VWA7: variants seen among roughly 807,000 people sequenced by gnomAD.
The protein encoded by VWA7 is von Willebrand factor A domain-containing protein 7.
In VWA7, 66 loss-of-function variants were observed where a neutral mutation model predicts 83.1. That is an observed-to-expected ratio of 0.79 (90% CI 0.65 to 0.98). The LOEUF is 0.98. Ranked by LOEUF, VWA7 falls within the 50% of genes least tolerant of loss-of-function variation. The probability of loss-of-function intolerance (pLI) is 0.00; values close to 1 mark genes in which losing one functional copy is unlikely to be tolerated. For synonymous variants in VWA7, 424 were observed against 488.5 expected, an observed-to-expected ratio of 0.87 and a Z score of 1.74; for missense variants, 1,080 against 1,160.2, an observed-to-expected ratio of 0.93 and a Z score of 1.00.
At position 31,766,408 on chromosome 6, in the gene VWA7, A is replaced by G. The variant is rs764339669; in HGVS notation, c.2185-24T>C. On this transcript the variant is annotated intron_variant, in intron 14 of 16. Coordinates refer to ENST00000375688, the MANE Select transcript of VWA7 (RefSeq NM_025258.3). The surrounding 1 kb of genome is among the most constrained non-coding windows in gnomAD (Gnocchi z 4.9). ...AGCTGCAGAGAAGGGTTCTTCAGGGAAGGGGCCGCTCTAACTCTCTCCAGC... is the reference window on the plus strand; with the variant it reads ...AGCTGCAGAGAAGGGTTCTTCAGGGGAGGGGCCGCTCTAACTCTCTCCAGC... 6.3e-7 allele frequency: 1 copy of G among 1,583,436 alleles called. No individual in the cohort carries two copies. Among genetic ancestry groups the G allele is most frequent in the Non-Finnish European group, 8.6e-7 (1 of 1,165,262 alleles).
Position 31,773,582 on chromosome 6 carries a change from C to T in VWA7, c.722-145G>A, listed in dbSNP as rs1310327228. ...TGATGACGGGGTTGGCGCGGTGGCT[C>T]ACGCCTGGAATCCCAGCGCTTTGGG... On this transcript the variant is annotated intron_variant, in intron 5 of 16. Transcript: ENST00000375688. The surrounding 1 kb of genome is among the most constrained non-coding windows in gnomAD (Gnocchi z 5.3). 11 of 856,900 alleles carry T rather than the reference C, an allele frequency of 1.3e-5. No homozygotes were observed. The South Asian group carries it at 1.8e-4, about 14-fold the overall frequency. The allele number at this position is 856,900 out of a possible 1,614,324, so 53.1% of individuals were successfully genotyped here.
At chr6:31,771,115 G>A (rs1178567603) in intron 7 of VWA7, among the ~76,000 whole-genome samples, 1 of 151,838 alleles carries the variant, frequency 6.6e-6, no homozygotes. Flanking sequence ...AGGACTAAAT[G>A]AGTTGATTTT....
At position 31,774,582 on chromosome 6, in the gene VWA7, T is replaced by C. The variant is rs768735255; in HGVS notation, c.655A>G (p.Arg219Gly). The change falls in exon 5 of 17, where the codon AGG (arginine) becomes GGG (glycine). Residue 219 changes from arginine (R) to glycine (G), a missense_variant. Transcript: ENST00000375688. ...CSDCEELSCP[R>G]NWLGFTLLTS... ...AGGAGTGTGAAGCCCAGCCAATTCC[T>C]GGGGCAGCTCAACTCCTCGCAATCG... 1.2e-6 allele frequency: 2 copies of C among 1,612,886 alleles called. No homozygotes were observed. The highest frequency in any genetic ancestry group is 1.1e-5 in the South Asian group (1 of 91,068).
Position 31,767,691 on chromosome 6 carries a change from C to A in VWA7, c.1567G>T (p.Gly523Trp). The A allele has an allele frequency of 6.2e-7, 1 of 1,613,632 alleles. No individual in the cohort carries two copies. The highest frequency in any genetic ancestry group is 1.3e-5 in the African/African-American group (1 of 75,028). Residue 523 changes from glycine to tryptophan, a missense_variant, in exon 11 of 17, where the codon GGG becomes TGG. Transcript: ENST00000375688. ...PGQPLVFSVD[G>W]LLQKITVRIH... ...CGGACTGTGATCTTCTGGAGCAGCC[C>A]ATCCACGCTGAACACAAGTGGCTGC...
rs748780594 is a variant in VWA7, at chr6:31,776,569, G to T, written c.211C>A (p.Pro71Thr). Residue 71 changes from proline (P) to threonine (T), a missense_variant, in exon 2 of 17, where the codon CCT becomes ACT. By Grantham distance (38) the Pro-to-Thr change is conservative (BLOSUM62 -1). Coordinates refer to ENST00000375688, the MANE Select transcript of VWA7 (RefSeq NM_025258.3). This position sits in a 1 kb window ranked among gnomAD's most constrained non-coding sequence, Gnocchi z 6.2. ...ACCAGGAAGTCCTCAAGACGAAGAGGGGGGCGGCCTGGGGGTGGCTGCTCC... is the reference window on the plus strand; with the variant it reads ...ACCAGGAAGTCCTCAAGACGAAGAGTGGGGCGGCCTGGGGGTGGCTGCTCC... ...FLEQPPPGRPPLRLEDFLGRT... is the reference protein window; with the variant it reads ...FLEQPPPGRPTLRLEDFLGRT... 41 of 1,548,524 alleles carry T rather than the reference G, an allele frequency of 2.6e-5. 1 individual carries two copies. In the South Asian group the frequency reaches 4.5e-4, roughly 17 times the overall value.
At position 31,773,522 on chromosome 6, in the gene VWA7, A is replaced by T; in HGVS notation, c.722-85T>A. On this transcript the variant is annotated intron_variant, in intron 5 of 16. Transcript: ENST00000375688. This position sits in a 1 kb window ranked among gnomAD's most constrained non-coding sequence, Gnocchi z 5.3. ...ATGAGGCCCTTTCAGGCCTGGCCTG[A>T]CCCTCTCACCCCTCAGCAAGGGTTC... 1 of 1,300,212 alleles carries T rather than the reference A, an allele frequency of 7.7e-7. No homozygotes were observed. The highest frequency in any genetic ancestry group is 1.0e-6 in the Non-Finnish European group (1 of 965,530). The allele number at this position is 1,300,212 out of a possible 1,614,324, so 80.5% of individuals were successfully genotyped here. A position where few individuals can be genotyped will look rare whatever the true frequency, so the allele number is the denominator to read the frequency against.
At position 31,774,586 on chromosome 6, in the gene VWA7, G is replaced by C; in HGVS notation, c.651C>G (p.Cys217Trp). The C allele has an allele frequency of 5.0e-6, 8 of 1,612,910 alleles. No homozygotes were observed. The highest frequency in any genetic ancestry group is 6.8e-6 in the Non-Finnish European group (8 of 1,179,980). ...GTGTGAAGCCCAGCCAATTCCTGGG[G>C]CAGCTCAACTCCTCGCAATCGGAGC... ...PTCSDCEELS[C>W]PRNWLGFTLL... Residue 217 changes from cysteine to tryptophan, a missense_variant, in exon 5 of 17, where the codon TGC becomes TGG. Physicochemically the swap from Cys to Trp is radical, Grantham distance 215 (BLOSUM62 -2). Transcript: ENST00000375688.
chr6:31,770,457 C>A (rs1325747406), intron 7 of VWA7, among the ~76,000 whole-genome samples: 1 of 150,630 alleles, frequency 6.6e-6, no homozygotes, highest in African/African-American at 2.4e-5. Context: ...TCCCCAGTAG[C>A]CTCCCCAGCT....
Position 31,776,704 on chromosome 6 carries a change from T to G in VWA7, c.76A>C (p.Thr26Pro). ...CAGATGTTGGGGAAGAAGGCAGATG[T>G]GGGGGGCAGCAACAGCTGCAGCAGA... is the stretch of plus-strand genomic sequence containing the variant. ...LLLLQLLLPP[T>P]SAFFPNIWSL... Residue 26 changes from threonine (T) to proline (P), a missense_variant, in exon 2 of 17, where the codon ACA (threonine) becomes CCA (proline). Thr to Pro is a conservative substitution (Grantham distance 38). Coordinates refer to ENST00000375688, the MANE Select transcript of VWA7 (RefSeq NM_025258.3). The surrounding 1 kb of genome is among the most constrained non-coding windows in gnomAD (Gnocchi z 6.2). The G allele has an allele frequency of 6.7e-7, 1 of 1,497,426 alleles. No individual in the cohort carries two copies. Among genetic ancestry groups the G allele is most frequent in the Non-Finnish European group, 8.9e-7 (1 of 1,118,454 alleles). The allele number at this position is 1,497,426 out of a possible 1,614,324, so 92.8% of individuals were successfully genotyped here.
intron 7 of VWA7, among the ~76,000 whole-genome samples, chr6:31,772,564 CT>C (rs1186041790): frequency 1.7e-4 from 13 of 76,982 alleles, no homozygotes; most frequent in African/African-American, 2.0e-4. Context: ...TTTATCTTTT[CT>C]TTTTTTTTTC....
Position 31,773,200 on chromosome 6 carries a change from G to C in VWA7, c.917+42C>G, listed in dbSNP as rs766532010. 37 of 1,590,476 alleles carry C rather than the reference G, an allele frequency of 2.3e-5. No individual in the cohort carries two copies. The highest frequency in any genetic ancestry group is 3.0e-5 in the Non-Finnish European group (35 of 1,169,168). ...GCCTGGTTTCTCCCTTCCCGCAGGA[G>C]CGCCTCCCCATGAAGGGGTCCATCC... is the stretch of plus-strand genomic sequence containing the variant. On this transcript the variant is annotated intron_variant, in intron 6 of 16. Transcript: ENST00000375688. This position sits in a 1 kb window ranked among gnomAD's most constrained non-coding sequence, Gnocchi z 5.3.
At position 31,776,192 on chromosome 6, in the gene VWA7, ACCAGGTC is replaced by A; in HGVS notation, c.278_284del (p.Gly93ValfsTer10). ...AGGCTGCTCGGAACCGCCGAGAAGA[ACCAGGTC>A]CAAAGTAGGCGGCAAAGAGGTCATC... On this transcript the variant is annotated frameshift_variant, in exon 3 of 17. Coordinates refer to ENST00000375688, the MANE Select transcript of VWA7 (RefSeq NM_025258.3). LOFTEE classifies it high-confidence loss of function. The surrounding 1 kb of genome is among the most constrained non-coding windows in gnomAD (Gnocchi z 6.2). 6.2e-7 allele frequency: 1 copy of A among 1,614,084 alleles called. No individual in the cohort carries two copies. The highest frequency in any genetic ancestry group is 8.5e-7 in the Non-Finnish European group (1 of 1,180,010).
In VWA7 at chr6:31,765,760, G is replaced by A; in HGVS notation, c.2510C>T (p.Thr837Ile). 6.3e-7 allele frequency: 1 copy of A among 1,587,338 alleles called. No homozygotes were observed. Among genetic ancestry groups the A allele is most frequent in the Non-Finnish European group, 8.6e-7 (1 of 1,165,932 alleles). Reference protein sequence around the residue: ...VSAPAPQDRHTTPTGSSDPIL... With the variant: ...VSAPAPQDRHITPTGSSDPIL... ...CGGGTCAGATGAGCCGGTAGGGGTG[G>A]TGTGCCGGTCCTGTGGGGAAAAGGA... Residue 837 changes from threonine to isoleucine, a missense_variant, in exon 17 of 17, where the codon ACC (threonine) becomes ATC (isoleucine). Physicochemically the swap from Thr to Ile is moderately conservative, Grantham distance 89 (BLOSUM62 -1). Transcript: ENST00000375688.
rs1812005898 is a variant in VWA7 at position 31,769,900 on chromosome 6, G to C, written c.1200+101C>G. ...TATGGCCCGGGAACCCTACAGTGAAGCTAGTGGATCTAGGTGCTGAAGGTG... is the reference window on the plus strand; with the variant it reads ...TATGGCCCGGGAACCCTACAGTGAACCTAGTGGATCTAGGTGCTGAAGGTG... On this transcript the variant is annotated intron_variant, in intron 8 of 16. Transcript: ENST00000375688. This position sits in a 1 kb window ranked among gnomAD's most constrained non-coding sequence, Gnocchi z 4.5. The C allele has an allele frequency of 1.4e-6, 2 of 1,479,780 alleles. No homozygotes were observed. Among genetic ancestry groups the C allele is most frequent in the Non-Finnish European group, 1.9e-6 (2 of 1,061,958 alleles). 91.7% of individuals were successfully genotyped at this position (1,479,780 alleles called of 1,614,324 possible).
chr6:31,769,259 G>C lies in VWA7; in HGVS notation c.1318-56C>G. ...GTGTCCAAGTGCCATCCACTATTAT[G>C]AATGAGAATCCCTGTGCTCAAGCTT... On this transcript the variant is annotated intron_variant, in intron 9 of 16. Coordinates refer to ENST00000375688, the MANE Select transcript of VWA7 (RefSeq NM_025258.3). The surrounding 1 kb of genome is among the most constrained non-coding windows in gnomAD (Gnocchi z 4.5). 9 of 1,562,290 alleles carry C rather than the reference G, an allele frequency of 5.8e-6. No homozygotes were observed. The highest frequency in any genetic ancestry group is 7.8e-6 in the Non-Finnish European group (9 of 1,151,044).
intron 10 of VWA7, 86 bp downstream of exon 10, chr6:31,768,932 A>C: frequency 7.3e-7 from 1 of 1,377,360 alleles, no homozygotes; most frequent in Non-Finnish European, 9.7e-7. Flanking sequence ...CACAGCAGTG[A>C]GAGTGATTCC....
rs9279415 is a variant in VWA7, at chr6:31,772,584, C to CTTTTTTTTTTT, written c.1087+359_1087+369dup. The stretch of plus-strand genomic sequence containing the variant: ...CTTTTCTTTTTTTTTTCTTTCTTTT[C>CTTTTTTTTTTT]TTTTTTTTTTTTTTTTTTTTTTTTT... On this transcript the variant is annotated intron_variant, in intron 7 of 16. Transcript: ENST00000375688. 3.4e-3 allele frequency among the ~76,000 whole-genome samples: 120 copies of CTTTTTTTTTTT among 35,094 alleles called. 1 individual carries two copies. The highest frequency in any genetic ancestry group is 4.5e-3 in the African/African-American group (33 of 7,388). The allele number at this position is 35,094 out of a possible 152,430, so 23.0% of individuals were successfully genotyped here. A position where few individuals can be genotyped will look rare whatever the true frequency, so the allele number is the denominator to read the frequency against.
chr6:31,774,561 G>T lies in VWA7; in HGVS notation c.676C>A (p.Leu226Ile), dbSNP rs568277700. ...SCPRNWLGFT[L>I]LTSGYFGTHP... ...GTTCCAAAGTAGCCAGAGGTGAGGA[G>T]TGTGAAGCCCAGCCAATTCCTGGGG... The change falls in exon 5 of 17, where the codon CTC becomes ATC. Residue 226 changes from leucine to isoleucine, a missense_variant. Transcript: ENST00000375688. 1 of 1,612,920 alleles carries T rather than the reference G, an allele frequency of 6.2e-7. No homozygotes were observed.
At chr6:31,767,593 C>CCCT in intron 11 of VWA7, 29 bp downstream of exon 11, 3 of 1,600,420 alleles carry the variant, frequency 1.9e-6, no homozygotes, top group Non-Finnish European at 2.6e-6. Flanking sequence ...TTCCCCGGTC[C>CCCT]CCTCTCTTCC....
Sources: allele counts gnomAD v4.1 joint callset (sites outside exome capture counted in the v4.1 genomes callset), GRCh38; gene constraint gnomAD v4.1.1; non-coding constraint Gnocchi (gnomAD v3.1); transcripts MANE v1.5; gene names NCBI Gene and HGNC (gene_info 2026-07-23, HGNC 2026-07-21).